The following EYS variants were observed in gnomAD, a reference collection of about 807,000 sequenced individuals.
EYS encodes the protein EGF-like photoreceptor maintenance factor.
EYS carries 250 observed loss-of-function variants against 282.1 expected under a neutral mutation model. That is an observed-to-expected ratio of 0.89 (90% CI 0.80 to 0.98). The LOEUF is 0.98. Ranked by LOEUF, EYS falls within the 50% of genes least tolerant of loss-of-function variation. EYS has a pLI of 0.00. For missense variants in EYS, 4,016 were observed against 3,709.0 expected, an observed-to-expected ratio of 1.08 and a Z score of -2.15; for synonymous variants, 1,355 against 1,282.9, an observed-to-expected ratio of 1.06 and a Z score of -1.20.
chr6:64,646,979 T>C (rs1768377301), intron 22 of EYS, among the ~76,000 whole-genome samples: 1 of 151,796 alleles, frequency 6.6e-6, no homozygotes, highest in African/African-American at 2.4e-5. Flanking sequence ...GAAGAAAGAG[T>C]AGTGAATGGA....
rs542557605 is a variant in EYS, at chr6:64,557,755, G to A, written c.5644+32468C>T. ...TTTATTATAGGGGTCAGCAAACAAT[G>A]GCCTATGGGCTAAATCTAGCCTGCT... On this transcript the variant is annotated intron_variant, in intron 26 of 42. Coordinates refer to ENST00000503581, the MANE Select transcript of EYS (RefSeq NM_001142800.2). Among the ~76,000 whole-genome samples the A allele has an allele frequency of 8.5e-5, 13 of 152,076 alleles. No homozygotes were observed. In the South Asian group the frequency reaches 2.7e-3, roughly 32 times the overall value.
At chr6:63,858,441 T>A (rs1772449382) in intron 36 of EYS, among the ~76,000 whole-genome samples, 1 of 152,194 alleles carries the variant, frequency 6.6e-6, no homozygotes, top group Non-Finnish European at 1.5e-5. Flanking sequence ...TGTGCCAACC[T>A]AACTTTTTCT....
chr6:64,474,242 A>G (rs1463303893), intron 26 of EYS, among the ~76,000 whole-genome samples: 1 of 152,174 alleles, frequency 6.6e-6, no homozygotes, highest in Non-Finnish European at 1.5e-5. Context: ...AGTGACTTCT[A>G]TATATAAATT....
At chr6:64,821,936 T>C (rs1339110997) in intron 20 of EYS, among the ~76,000 whole-genome samples, 1 of 152,002 alleles carries the variant, frequency 6.6e-6, no homozygotes, top group Non-Finnish European at 1.5e-5. Flanking sequence ...ATTTTCCCCA[T>C]GGCAATGAAA....
chr6:64,631,033 A>G (rs1241045190), intron 22 of EYS, among the ~76,000 whole-genome samples: 1 of 152,190 alleles, frequency 6.6e-6, no homozygotes. Context: ...ATTTACTAAA[A>G]ACTGTTAAAC....
At chr6:64,469,701 G>A (rs991438922) in intron 26 of EYS, among the ~76,000 whole-genome samples, 1 of 151,944 alleles carries the variant, frequency 6.6e-6, no homozygotes, top group Non-Finnish European at 1.5e-5. Context: ...GACCGGGAAA[G>A]GGAGTCTCCC....
At chr6:65,013,825 A>G (rs182890566) in intron 13 of EYS, among the ~76,000 whole-genome samples, 2 of 152,312 alleles carry the variant, frequency 1.3e-5, no homozygotes, top group African/African-American at 4.8e-5. Flanking sequence ...TGATTGAGCC[A>G]CTGCATTTCA....
At chr6:65,453,077 A>G (rs967519365) in intron 5 of EYS, among the ~76,000 whole-genome samples, 2 of 152,080 alleles carry the variant, frequency 1.3e-5, no homozygotes, top group South Asian at 4.1e-4. Context: ...TTTCAAAATA[A>G]ATGGTCTAAT....
intron 34 of EYS, among the ~76,000 whole-genome samples, chr6:63,987,072 A>T (rs1227649863): frequency 1.3e-5 from 2 of 151,718 alleles, no homozygotes; most frequent in African/African-American, 4.8e-5. Flanking sequence ...GCCACATCTT[A>T]CATGGGATTT....
chr6:64,434,328 C>G (rs533006259), intron 28 of EYS, among the ~76,000 whole-genome samples: 54 of 152,142 alleles, frequency 3.5e-4, no homozygotes, highest in Non-Finnish European at 6.8e-4. Context: ...TTTGAGCCAC[C>G]TTGTCTGCCA....
At chr6:64,395,039 C>A (rs1321642641) in intron 28 of EYS, among the ~76,000 whole-genome samples, 1 of 152,168 alleles carries the variant, frequency 6.6e-6, no homozygotes, top group Non-Finnish European at 1.5e-5. Context: ...AAATGCTCAT[C>A]ATCACTGGCC....
chr6:65,442,275 T>C (rs1273121387), intron 5 of EYS, among the ~76,000 whole-genome samples: 2 of 152,088 alleles, frequency 1.3e-5, no homozygotes, highest in African/African-American at 4.8e-5. Flanking sequence ...CAATATTCAG[T>C]ACTTGGTCTC....
intron 35 of EYS, among the ~76,000 whole-genome samples, chr6:63,975,072 G>C (rs1026538916): frequency 1.3e-5 from 2 of 150,102 alleles, no homozygotes; most frequent in East Asian, 3.9e-4. Context: ...ATTTTCAGAA[G>C]ACCTGGCACT....
chr6:63,757,403 A>G (rs1562011933), intron 41 of EYS, among the ~76,000 whole-genome samples: 1 of 152,144 alleles, frequency 6.6e-6, no homozygotes, highest in East Asian at 1.9e-4. Context: ...GTTGTTTAAG[A>G]TGTTTATTAA....
chr6:63,747,679 T>A (rs963980230), intron 41 of EYS, among the ~76,000 whole-genome samples: 4 of 152,222 alleles, frequency 2.6e-5, no homozygotes, highest in Admixed American at 6.5e-5. Context: ...CTTGTTGGAT[T>A]GATCCCTTTA....
rs946293901 is a variant in EYS, at chr6:64,217,971, CTGT to C, written c.6424+12618_6424+12620del. ...GAGCTGAAGCAGTTTGTAGGAATCT[CTGT>C]TGTTGTAGGAATCTCTCTGTTGCTG... On this transcript the variant is annotated intron_variant, in intron 31 of 42. Coordinates refer to ENST00000503581, the MANE Select transcript of EYS (RefSeq NM_001142800.2). Among the ~76,000 whole-genome samples the C allele has an allele frequency of 4.6e-5, 7 of 152,136 alleles. No homozygotes were observed. The East Asian group carries it at 5.8e-4, about 13-fold the overall frequency.
At chr6:65,244,573 C>T (rs897760306) in intron 12 of EYS, among the ~76,000 whole-genome samples, 1 of 152,056 alleles carries the variant, frequency 6.6e-6, no homozygotes, top group Non-Finnish European at 1.5e-5. Flanking sequence ...AGTGCAGTGG[C>T]GCGATCTCTG....
At chr6:63,739,795 G>A (rs1769025687) in intron 41 of EYS, among the ~76,000 whole-genome samples, 1 of 151,542 alleles carries the variant, frequency 6.6e-6, no homozygotes, top group Non-Finnish European at 1.5e-5. Context: ...CTGCGTTCAA[G>A]CAATTCTCCT....
At chr6:65,510,688 A>G (rs1025301735) in intron 2 of EYS, among the ~76,000 whole-genome samples, 7 of 152,118 alleles carry the variant, frequency 4.6e-5, no homozygotes, top group Non-Finnish European at 1.0e-4. Context: ...TTCTCCCACA[A>G]ATCCTTATCT....
Sources: allele counts gnomAD v4.1 joint callset (sites outside exome capture counted in the v4.1 genomes callset), GRCh38; gene constraint gnomAD v4.1.1; transcripts MANE v1.5; gene names NCBI Gene and HGNC (gene_info 2026-07-23, HGNC 2026-07-21).